FAM135B: variants seen among roughly 807,000 people sequenced by gnomAD.
The protein encoded by FAM135B is family with sequence similarity 135 member B, also known as protein FAM135B.
FAM135B carries 43 observed loss-of-function variants against 127.7 expected under a neutral mutation model. That is an observed-to-expected ratio of 0.34 (90% CI 0.26 to 0.43). FAM135B has a LOEUF of 0.43. Among genes scored for constraint, FAM135B ranks in the 20% least tolerant of loss-of-function variants. FAM135B has a pLI of 1.00. For synonymous variants in FAM135B, 670 were observed against 665.1 expected (o/e 1.01, Z -0.11); for missense variants, 1,558 against 1,725.6 (o/e 0.90, Z 1.72).
chr8:138,157,886 T>C (rs942110943), intron 12 of FAM135B, among the ~76,000 whole-genome samples: 2 of 152,232 alleles, frequency 1.3e-5, no homozygotes, highest in African/African-American at 2.4e-5. Context: ...AGGTAATTTA[T>C]AGATTCAATG....
chr8:138,419,553 A>T (rs1476487671), intron 1 of FAM135B, among the ~76,000 whole-genome samples: 1 of 152,200 alleles, frequency 6.6e-6, no homozygotes, highest in Non-Finnish European at 1.5e-5. Context: ...AACAGAATAT[A>T]CATTATTCTT....
At chr8:138,456,674 G>C (rs1007596781) in intron 1 of FAM135B, among the ~76,000 whole-genome samples, 1 of 152,036 alleles carries the variant, frequency 6.6e-6, no homozygotes, top group African/African-American at 2.4e-5. Flanking sequence ...AGTTTTCCTA[G>C]GAATCATCTT....
chr8:138,469,860 A>T (rs1837582613), intron 1 of FAM135B, among the ~76,000 whole-genome samples: 1 of 152,194 alleles, frequency 6.6e-6, no homozygotes, highest in South Asian at 2.1e-4. Flanking sequence ...AGCTAGCAGC[A>T]TTAATTGGGA....
intron 1 of FAM135B, among the ~76,000 whole-genome samples, chr8:138,475,084 T>C (rs1814335817): frequency 8.4e-6 from 1 of 118,992 alleles, no homozygotes; most frequent in Non-Finnish European, 1.7e-5. Context: ...TAGTGAAAAA[T>C]ATACAGTTTG....
At chr8:138,360,353 T>C (rs1830344160) in intron 2 of FAM135B, among the ~76,000 whole-genome samples, 1 of 152,244 alleles carries the variant, frequency 6.6e-6, no homozygotes, top group South Asian at 2.1e-4. Flanking sequence ...AATTGTTCAC[T>C]TAGAAAGTAT....
chr8:138,274,176 GAACCTGCCCCGATATT>G (rs1040560381), intron 3 of FAM135B, among the ~76,000 whole-genome samples: 2 of 152,060 alleles, frequency 1.3e-5, no homozygotes, highest in African/African-American at 4.8e-5. Flanking sequence ...CATTATCGGG[GAACCTGCCCCGATATT>G]CACGTAGGTT....
At chr8:138,375,231 T>C (rs936648974) in intron 1 of FAM135B, among the ~76,000 whole-genome samples, 3 of 143,032 alleles carry the variant, frequency 2.1e-5, no homozygotes, top group African/African-American at 8.0e-5. Context: ...AGAAATCACT[T>C]CTGAGAAGAA....
At chr8:138,199,538 C>T (rs6989344) in intron 7 of FAM135B, among the ~76,000 whole-genome samples, 77,112 of 152,044 alleles carry the variant, frequency 0.51, 19,571 homozygotes, top group South Asian at 0.53. Context: ...GGTCTCTGTA[C>T]CCATTCACTG....
intron 9 of FAM135B, among the ~76,000 whole-genome samples, chr8:138,188,492 C>T (rs541084861): frequency 1.4e-4 from 21 of 152,304 alleles, no homozygotes; most frequent in Non-Finnish European, 2.2e-4. Flanking sequence ...AAAGCCTCCA[C>T]GCATTTGGTG....
At chr8:138,252,240 C>T (rs1048968602) in intron 5 of FAM135B, among the ~76,000 whole-genome samples, 1 of 152,172 alleles carries the variant, frequency 6.6e-6, no homozygotes, top group East Asian at 1.9e-4. Context: ...TTCCCCTTTA[C>T]TCTGTATGGC....
At chr8:138,489,345 C>A (rs545915250) in intron 1 of FAM135B, among the ~76,000 whole-genome samples, 1 of 152,244 alleles carries the variant, frequency 6.6e-6, no homozygotes. Flanking sequence ...CACTCTTGGA[C>A]CCTGTATGTC....
intron 2 of FAM135B, among the ~76,000 whole-genome samples, chr8:138,328,739 C>T (rs1827975902): frequency 6.6e-6 from 1 of 152,118 alleles, no homozygotes; most frequent in Non-Finnish European, 1.5e-5. Flanking sequence ...GTCATCACCT[C>T]CCAGCTTAGG....
At chr8:138,424,061 A>C (rs1372633450) in intron 1 of FAM135B, among the ~76,000 whole-genome samples, 3 of 152,140 alleles carry the variant, frequency 2.0e-5, no homozygotes, top group Admixed American at 1.3e-4. Flanking sequence ...CTTTTTTTCA[A>C]GGTGCCCAGA....
chr8:138,492,625 C>G (rs1266032554), intron 1 of FAM135B, among the ~76,000 whole-genome samples: 1 of 152,128 alleles, frequency 6.6e-6, no homozygotes, highest in Non-Finnish European at 1.5e-5. Flanking sequence ...CACCACCTCA[C>G]CCCTTGGCCT....
chr8:138,215,483 GA>G (rs1302210422), intron 7 of FAM135B, among the ~76,000 whole-genome samples: 2 of 152,108 alleles, frequency 1.3e-5, no homozygotes, highest in African/African-American at 4.8e-5. Context: ...ACATAGCAAA[GA>G]GAACATTAGA....
chr8:138,453,673 T>C (rs970590315), intron 1 of FAM135B, among the ~76,000 whole-genome samples: 1 of 152,138 alleles, frequency 6.6e-6, no homozygotes, highest in Admixed American at 6.6e-5. Context: ...GCAGGGTCCA[T>C]ATTGCTGTTC....
intron 2 of FAM135B, among the ~76,000 whole-genome samples, chr8:138,355,473 A>ACT (rs1830036327): frequency 6.6e-6 from 1 of 152,190 alleles, no homozygotes; most frequent in Admixed American, 6.5e-5. Flanking sequence ...ACAAGGACAA[A>ACT]AAAATCATTC....
At chr8:138,353,525 A>G (rs1829904754) in intron 2 of FAM135B, among the ~76,000 whole-genome samples, 1 of 152,076 alleles carries the variant, frequency 6.6e-6, no homozygotes, top group African/African-American at 2.4e-5. Context: ...CTCTTTTGCA[A>G]GTTTCTTCAC....
At chr8:138,219,683 C>T (rs1818871447) in intron 7 of FAM135B, among the ~76,000 whole-genome samples, 1 of 152,158 alleles carries the variant, frequency 6.6e-6, no homozygotes, top group Middle Eastern at 3.2e-3. Context: ...CGTGTTCATT[C>T]TCTCTCTTAA....
Sources: gnomAD v4.1 joint callset for allele counts (sites outside exome capture counted in the v4.1 genomes callset) on GRCh38, gnomAD v4.1.1 for gene constraint, MANE v1.5 for transcripts, NCBI Gene and HGNC (gene_info 2026-07-23, HGNC 2026-07-21) for gene names.